RBFOX1: variants seen among roughly 807,000 people sequenced by gnomAD.
The protein encoded by RBFOX1 is RNA binding protein fox-1 homolog 1.
In RBFOX1, 8 loss-of-function variants were observed where a neutral mutation model predicts 57.7. That is an observed-to-expected ratio of 0.14 (90% CI 0.08 to 0.25). The LOEUF is 0.25. Ranked by LOEUF, RBFOX1 falls within the 10% of genes least tolerant of loss-of-function variation. The probability of loss-of-function intolerance (pLI) is 1.00; values close to 1 mark genes in which losing one functional copy is unlikely to be tolerated. For missense variants in RBFOX1, 611 were observed against 548.5 expected, an observed-to-expected ratio of 1.11 and a Z score of -1.14; for synonymous variants, 326 against 222.4, an observed-to-expected ratio of 1.47 and a Z score of -4.15.
At chr16:7,671,316 T>C (rs1307010128) in intron 13 of RBFOX1, among the ~76,000 whole-genome samples, 1 of 152,214 alleles carries the variant, frequency 6.6e-6, no homozygotes, top group Admixed American at 6.5e-5. Context: ...ACACAAGTTA[T>C]AACACAAAGT....
chr16:6,885,876 T>C (rs2153356423), intron 3 of RBFOX1, among the ~76,000 whole-genome samples: 1 of 152,270 alleles, frequency 6.6e-6, no homozygotes, highest in African/African-American at 2.4e-5. Flanking sequence ...AAATGGATAC[T>C]GTTTACTCAA....
intron 3 of RBFOX1, among the ~76,000 whole-genome samples, chr16:6,899,261 G>A (rs1042266571): frequency 3.3e-5 from 5 of 152,040 alleles, no homozygotes; most frequent in Non-Finnish European, 7.4e-5. Context: ...GTGCATGTGT[G>A]TATAACGTGT....
At chr16:6,677,272 G>C (rs1489016586) in intron 3 of RBFOX1, among the ~76,000 whole-genome samples, 1 of 152,106 alleles carries the variant, frequency 6.6e-6, no homozygotes, top group East Asian at 1.9e-4. Flanking sequence ...CTGTTAGAAG[G>C]CACAGAATTA....
At chr16:7,387,440 A>C (rs1370806223) in intron 4 of RBFOX1, among the ~76,000 whole-genome samples, 2 of 152,188 alleles carry the variant, frequency 1.3e-5, no homozygotes, top group African/African-American at 2.4e-5. Flanking sequence ...ATTCATTCAT[A>C]TACCCCTGTC....
chr16:5,837,309 T>C, intron 3 of RBFOX1, among the ~76,000 whole-genome samples: 1 of 151,860 alleles, frequency 6.6e-6, no homozygotes, highest in East Asian at 1.9e-4. Flanking sequence ...CCCTCACAGA[T>C]ACAGCCCCAA....
At chr16:6,814,737 G>T (rs1267442100) in intron 3 of RBFOX1, among the ~76,000 whole-genome samples, 1 of 152,154 alleles carries the variant, frequency 6.6e-6, no homozygotes, top group African/African-American at 2.4e-5. Flanking sequence ...AAGTCCTTCA[G>T]TCTGGAACCC....
intron 3 of RBFOX1, among the ~76,000 whole-genome samples, chr16:6,719,445 GTTT>G (rs35154093): frequency 1.4e-5 from 2 of 145,126 alleles, no homozygotes; most frequent in South Asian, 2.2e-4. Flanking sequence ...AAAATAACCT[GTTT>G]TTTTTTTTTT....
intron 4 of RBFOX1, among the ~76,000 whole-genome samples, chr16:5,911,380 G>C (rs184105248): frequency 2.5e-4 from 38 of 152,226 alleles, no homozygotes; most frequent in Middle Eastern, 6.8e-3. Context: ...TGCCACAGCC[G>C]TATCTTCAGA....
At chr16:7,167,052 C>G (rs1364148173) in intron 4 of RBFOX1, among the ~76,000 whole-genome samples, 3 of 127,646 alleles carry the variant, frequency 2.4e-5, no homozygotes, top group Non-Finnish European at 4.7e-5. Context: ...GTGGTGTGAT[C>G]TCAGCTCGCT....
chr16:7,385,625 G>T (rs17143531), intron 4 of RBFOX1, among the ~76,000 whole-genome samples: 1 of 152,048 alleles, frequency 6.6e-6, no homozygotes, highest in African/African-American at 2.4e-5. Context: ...TCATTTGGGC[G>T]TTGAAACTTG....
intron 1 of RBFOX1, among the ~76,000 whole-genome samples, chr16:5,459,938 C>T (rs1393757766): frequency 6.6e-6 from 1 of 152,160 alleles, no homozygotes; most frequent in East Asian, 1.9e-4. Context: ...ACTCCGAGTT[C>T]TTTATGACAA....
At chr16:5,280,059 T>A (rs540722723) in intron 1 of RBFOX1, among the ~76,000 whole-genome samples, 18 of 152,348 alleles carry the variant, frequency 1.2e-4, no homozygotes, top group African/African-American at 4.3e-4. Flanking sequence ...GTGAGTAGGA[T>A]GTTAGCTGTA....
chr16:5,268,521 T>C (rs1005250944), intron 1 of RBFOX1, among the ~76,000 whole-genome samples: 8 of 152,266 alleles, frequency 5.3e-5, no homozygotes, highest in African/African-American at 1.9e-4. Flanking sequence ...CAGTCAGTCT[T>C]ACTGTGGCTC....
intron 3 of RBFOX1, among the ~76,000 whole-genome samples, chr16:6,788,913 T>C (rs562389806): frequency 1.3e-4 from 20 of 152,138 alleles, no homozygotes; most frequent in Non-Finnish European, 2.2e-4. Context: ...GAACTCAGCG[T>C]CCCCAAGCCA....
At chr16:5,863,783 A>G (rs1337134691) in intron 3 of RBFOX1, among the ~76,000 whole-genome samples, 5 of 152,188 alleles carry the variant, frequency 3.3e-5, no homozygotes, top group East Asian at 1.9e-4. Flanking sequence ...TTGCATCACT[A>G]TATGCCTTAC....
intron 14 of RBFOX1, among the ~76,000 whole-genome samples, chr16:7,699,422 C>T (rs1401536927): frequency 6.6e-6 from 1 of 152,144 alleles, no homozygotes; most frequent in African/African-American, 2.4e-5. Context: ...AAACTCCTGG[C>T]CTCAAGCCAT....
chr16:5,345,016 C>G (rs911711853), intron 1 of RBFOX1, among the ~76,000 whole-genome samples: 1 of 152,238 alleles, frequency 6.6e-6, no homozygotes, highest in Non-Finnish European at 1.5e-5. Flanking sequence ...TTTGCAGGCA[C>G]CACGTGGCAT....
At chr16:6,702,237 C>A (rs1269036243) in intron 3 of RBFOX1, among the ~76,000 whole-genome samples, 1 of 152,174 alleles carries the variant, frequency 6.6e-6, no homozygotes, top group East Asian at 1.9e-4. Context: ...CACATTTCAA[C>A]ATGAGATATG....
At chr16:6,012,983 A>T (rs1404187158) in intron 4 of RBFOX1, among the ~76,000 whole-genome samples, 1 of 152,234 alleles carries the variant, frequency 6.6e-6, no homozygotes, top group Non-Finnish European at 1.5e-5. Context: ...AATAGTTCAC[A>T]TATTTGGAGA....
Sources: gnomAD v4.1 joint callset for allele counts (sites outside exome capture counted in the v4.1 genomes callset) on GRCh38, gnomAD v4.1.1 for gene constraint, MANE v1.5 for transcripts, NCBI Gene and HGNC (gene_info 2026-07-23, HGNC 2026-07-21) for gene names.